NCKAP5: variants seen among roughly 807,000 people sequenced by gnomAD.
NCKAP5 encodes the protein NCK associated protein 5.
Under a neutral mutation model 167.0 loss-of-function variants are expected in NCKAP5, and 92 were observed. The observed-to-expected ratio is 0.55, with a 90% CI of 0.47 to 0.66. The LOEUF (loss-of-function observed/expected upper bound fraction) is 0.66. NCKAP5 is among the 30% of genes least tolerant of loss of function. The pLI is 0.00. For synonymous variants in NCKAP5, 891 were observed against 877.4 expected (o/e 1.02, Z -0.27); for missense variants, 2,378 against 2,315.0 (o/e 1.03, Z -0.56).
chr2:133,533,477 A>G (rs1685522455), intron 2 of NCKAP5, among the ~76,000 whole-genome samples: 1 of 152,244 alleles, frequency 6.6e-6, no homozygotes, highest in Admixed American at 6.5e-5. Flanking sequence ...AAAGTTTGAT[A>G]GTTATTTTTA....
At chr2:133,669,884 C>G in the NCKAP5 span, among the ~76,000 whole-genome samples, 66 of 152,296 alleles carry the variant, frequency 4.3e-4, no homozygotes, top group East Asian at 0.012. Flanking sequence ...TATTCAGCAA[C>G]CTTCAGCAAT....
chr2:132,800,844 G>T (rs1288165650), intron 11 of NCKAP5, among the ~76,000 whole-genome samples: 1 of 152,104 alleles, frequency 6.6e-6, no homozygotes. Context: ...TTCCTAACAG[G>T]ACAATCAACT....
intron 6 of NCKAP5, among the ~76,000 whole-genome samples, chr2:133,007,646 G>A (rs919685343): frequency 2.6e-5 from 4 of 152,054 alleles, no homozygotes; most frequent in Non-Finnish European, 4.4e-5. Flanking sequence ...CATGGGTAGG[G>A]GGTCTATGTC....
At chr2:133,145,537 ACAAT>A (rs1237298919) in intron 5 of NCKAP5, among the ~76,000 whole-genome samples, 2 of 152,100 alleles carry the variant, frequency 1.3e-5, no homozygotes, top group Non-Finnish European at 2.9e-5. Flanking sequence ...ATTTCCCTGC[ACAAT>A]CAATCATTAA....
At chr2:133,529,572 T>C (rs1685194297) in intron 2 of NCKAP5, among the ~76,000 whole-genome samples, 1 of 152,240 alleles carries the variant, frequency 6.6e-6, no homozygotes, top group Non-Finnish European at 1.5e-5. Context: ...AGTTTCTCTA[T>C]AAAGCATAGA....
intron 6 of NCKAP5, among the ~76,000 whole-genome samples, chr2:133,124,252 T>C (rs1435150594): frequency 6.6e-6 from 1 of 152,164 alleles, no homozygotes; most frequent in East Asian, 1.9e-4. Flanking sequence ...CAAATATGGG[T>C]GGCAAACCTT....
chr2:132,864,191 A>G (rs1359334613), intron 10 of NCKAP5, among the ~76,000 whole-genome samples: 1 of 152,188 alleles, frequency 6.6e-6, no homozygotes, highest in Non-Finnish European at 1.5e-5. Flanking sequence ...CCTCTCTCAT[A>G]ATCCTTCTTT....
chr2:132,760,222 C>T (rs1574107488), intron 16 of NCKAP5, among the ~76,000 whole-genome samples: 1 of 152,048 alleles, frequency 6.6e-6, no homozygotes, highest in East Asian at 1.9e-4. Context: ...TTCAGATCTT[C>T]CTGAGATCAT....
intron 10 of NCKAP5, among the ~76,000 whole-genome samples, chr2:132,868,409 C>T (rs997297268): frequency 6.6e-6 from 1 of 152,126 alleles, no homozygotes; most frequent in Non-Finnish European, 1.5e-5. Context: ...ACAGTGGTTA[C>T]CATTATTTTA....
intron 4 of NCKAP5, among the ~76,000 whole-genome samples, chr2:133,229,456 G>A (rs1033272435): frequency 2.0e-5 from 3 of 152,200 alleles, no homozygotes; most frequent in African/African-American, 7.2e-5. Context: ...CTCTGGTGCT[G>A]AGCACAGTCT....
At chr2:133,620,544 C>A in the NCKAP5 span, among the ~76,000 whole-genome samples, 33 of 151,942 alleles carry the variant, frequency 2.2e-4, no homozygotes, top group African/African-American at 8.0e-4. Context: ...TATATAGTGA[C>A]AAAGGACTAG....
At chr2:133,472,526 G>T (rs1190958803) in intron 3 of NCKAP5, among the ~76,000 whole-genome samples, 1 of 151,884 alleles carries the variant, frequency 6.6e-6, no homozygotes, top group African/African-American at 2.4e-5. Context: ...AAAGGTTGGG[G>T]TTCTCTTGGG....
chr2:132,857,699 T>A (rs1375046600), intron 11 of NCKAP5, among the ~76,000 whole-genome samples: 1 of 152,222 alleles, frequency 6.6e-6, no homozygotes, highest in Non-Finnish European at 1.5e-5. Flanking sequence ...GTCTTGTTAA[T>A]CTGATTTATT....
chr2:133,497,872 C>A (rs1438208833), intron 3 of NCKAP5, among the ~76,000 whole-genome samples: 1 of 152,168 alleles, frequency 6.6e-6, no homozygotes, highest in Non-Finnish European at 1.5e-5. Context: ...GCAGAAAAAA[C>A]TACTGGGGAT....
intron 5 of NCKAP5, among the ~76,000 whole-genome samples, chr2:133,138,854 C>T (rs934082222): frequency 6.6e-6 from 1 of 152,194 alleles, no homozygotes; most frequent in Non-Finnish European, 1.5e-5. Context: ...TACGGGTCAG[C>T]TAGACACAGC....
At chr2:133,212,166 T>G (rs537039512) in intron 5 of NCKAP5, among the ~76,000 whole-genome samples, 11 of 152,298 alleles carry the variant, frequency 7.2e-5, no homozygotes. Context: ...TTAAGTTACT[T>G]CCTCATATTC....
intron 1 of NCKAP5, among the ~76,000 whole-genome samples, chr2:133,565,880 T>C (rs1003812153): frequency 6.6e-6 from 1 of 152,266 alleles, no homozygotes; most frequent in African/African-American, 2.4e-5. Flanking sequence ...ATACATTGAA[T>C]AACTACTCTG....
At chr2:133,185,418 T>C (rs1269000813) in intron 5 of NCKAP5, among the ~76,000 whole-genome samples, 1 of 152,134 alleles carries the variant, frequency 6.6e-6, no homozygotes, top group African/African-American at 2.4e-5. Context: ...ATGCTTCTTT[T>C]GCTCCAGAAT....
At chr2:133,438,121 T>C (rs919130650) in intron 3 of NCKAP5, among the ~76,000 whole-genome samples, 1 of 152,200 alleles carries the variant, frequency 6.6e-6, no homozygotes. Flanking sequence ...CCTAAGTCCA[T>C]ACCTTGCCTG....
Sources: gnomAD v4.1 joint callset for allele counts (sites outside exome capture counted in the v4.1 genomes callset) on GRCh38, gnomAD v4.1.1 for gene constraint, MANE v1.5 for transcripts, NCBI Gene and HGNC (gene_info 2026-07-23, HGNC 2026-07-21) for gene names.